FAM193A: variants seen among roughly 807,000 people sequenced by gnomAD.
FAM193A encodes the protein protein FAM193A.
In FAM193A, 22 loss-of-function variants were observed where a neutral mutation model predicts 126.5. The observed-to-expected ratio is 0.17, with a 90% CI of 0.12 to 0.25. FAM193A has a LOEUF of 0.25. Among genes scored for constraint, FAM193A ranks in the 10% least tolerant of loss-of-function variants. The probability of loss-of-function intolerance (pLI) is 1.00; values close to 1 mark genes in which losing one functional copy is unlikely to be tolerated. For missense variants in FAM193A, 1,675 were observed against 1,672.8 expected, an observed-to-expected ratio of 1.00 and a Z score of -0.02; for synonymous variants, 761 against 646.8, an observed-to-expected ratio of 1.18 and a Z score of -2.68.
chr4:2,679,638 A>G (rs961626291), intron 13 of FAM193A, among the ~76,000 whole-genome samples: 1 of 151,910 alleles, frequency 6.6e-6, no homozygotes, highest in Non-Finnish European at 1.5e-5. Context: ...TCGGTCTCCC[A>G]AAGTGTTGGG....
intron 20 of FAM193A, chr4:2,720,045 T>G (rs1446794853): frequency 1.1e-5 from 2 of 175,556 alleles, no homozygotes; most frequent in Non-Finnish European, 2.6e-5. Context: ...TCTGCCCACC[T>G]CAGCCTCCCA....
chr4:2,708,335 A>G (rs1718539727), intron 19 of FAM193A: 1 of 269,538 alleles, frequency 3.7e-6, no homozygotes, highest in Non-Finnish European at 7.6e-6. Flanking sequence ...ATGTTGGTCA[A>G]GTTGGTCTAC....
chr4:2,620,836 C>CAAAAAAAAAAAAAAAAAA lies in FAM193A; in HGVS notation c.502-4421_502-4404dup, dbSNP rs34305537. On this transcript the variant is annotated intron_variant, in intron 2 of 20. Coordinates refer to ENST00000637812, the MANE Select transcript of FAM193A (RefSeq NM_001366318.2). ...GGGCAAGAAGACTGCAACTCCGTCT[C>CAAAAAAAAAAAAAAAAAA]AAAAAAAAAAAAAAAAAAAAAAGTA... Among the ~76,000 whole-genome samples, 104 of 69,092 alleles carry CAAAAAAAAAAAAAAAAAA rather than the reference C, an allele frequency of 1.5e-3. 2 individuals are homozygous for CAAAAAAAAAAAAAAAAAA. Among genetic ancestry groups the CAAAAAAAAAAAAAAAAAA allele is most frequent in the African/African-American group, 3.7e-3 (61 of 16,500 alleles). 45.3% of individuals were successfully genotyped at this position (69,092 alleles called of 152,430 possible).
intron 13 of FAM193A, among the ~76,000 whole-genome samples, chr4:2,676,204 TC>T (rs1179174468): frequency 6.6e-6 from 1 of 152,252 alleles, no homozygotes; most frequent in African/African-American, 2.4e-5. Flanking sequence ...TGCCACCGTT[TC>T]CTACAGTGGC....
At chr4:2,573,989 CAGAG>C (rs1739440138) in intron 1 of FAM193A, among the ~76,000 whole-genome samples, 1 of 152,134 alleles carries the variant, frequency 6.6e-6, no homozygotes, top group African/African-American at 2.4e-5. Flanking sequence ...CAGAATGAGT[CAGAG>C]AGGCTCAGGG....
At chr4:2,575,910 G>C (rs556802328) in intron 1 of FAM193A, among the ~76,000 whole-genome samples, 1 of 152,128 alleles carries the variant, frequency 6.6e-6, no homozygotes, top group Non-Finnish European at 1.5e-5. Flanking sequence ...GCCATGGTCA[G>C]GTTACAAGGA....
intron 2 of FAM193A, among the ~76,000 whole-genome samples, chr4:2,600,225 C>T (rs1741118445): frequency 6.6e-6 from 1 of 152,188 alleles, no homozygotes; most frequent in African/African-American, 2.4e-5. Flanking sequence ...CTCATCCATC[C>T]CTATCAGTCC....
chr4:2,549,543 C>T (rs1251022788), intron 1 of FAM193A, among the ~76,000 whole-genome samples: 1 of 140,130 alleles, frequency 7.1e-6, no homozygotes, highest in Admixed American at 7.1e-5. Flanking sequence ...ACTACAGGCG[C>T]CCGCCACTAC....
intron 1 of FAM193A, among the ~76,000 whole-genome samples, chr4:2,592,442 A>G (rs973572760): frequency 3.9e-5 from 6 of 152,204 alleles, no homozygotes; most frequent in African/African-American, 1.4e-4. Flanking sequence ...CTTCCAAGCA[A>G]GAGGTAGTAA....
chr4:2,578,414 G>A (rs535885698), intron 1 of FAM193A, among the ~76,000 whole-genome samples: 2 of 151,366 alleles, frequency 1.3e-5, no homozygotes, highest in Admixed American at 6.6e-5. Context: ...TTGACATACC[G>A]TATCTCATTT....
At chr4:2,637,607 A>G (rs1446362582) in intron 5 of FAM193A, among the ~76,000 whole-genome samples, 24 of 152,226 alleles carry the variant, frequency 1.6e-4, no homozygotes, top group Admixed American at 1.6e-3. Flanking sequence ...GCCTGCCCTT[A>G]GGTCACTGAC....
chr4:2,552,853 T>C (rs973813783), intron 1 of FAM193A, among the ~76,000 whole-genome samples: 3 of 149,090 alleles, frequency 2.0e-5, no homozygotes, highest in African/African-American at 2.5e-5. Flanking sequence ...CTTTCTTTTT[T>C]TTTTTTTTTT....
At chr4:2,642,753 GA>G (rs1394526810) in intron 6 of FAM193A, among the ~76,000 whole-genome samples, 2 of 144,750 alleles carry the variant, frequency 1.4e-5, no homozygotes, top group Non-Finnish European at 3.0e-5. Flanking sequence ...TTTTTTTGGA[GA>G]CAGAGTCTTG....
At chr4:2,557,874 C>T (rs1220482677) in intron 1 of FAM193A, among the ~76,000 whole-genome samples, 2 of 152,078 alleles carry the variant, frequency 1.3e-5, no homozygotes, top group Non-Finnish European at 2.9e-5. Context: ...ATCGCTTGAA[C>T]CCAGGAGGCA....
intron 1 of FAM193A, among the ~76,000 whole-genome samples, chr4:2,593,095 C>T (rs983175590): frequency 7.2e-5 from 11 of 152,308 alleles, no homozygotes; most frequent in Admixed American, 2.0e-4. Context: ...TGACGAAGCT[C>T]AGATACTGAA....
chr4:2,596,061 AG>A (rs1425295922), intron 1 of FAM193A, 22 bp from the exon 2 acceptor site: 1 of 681,418 alleles, frequency 1.5e-6, no homozygotes, highest in East Asian at 2.7e-5. Flanking sequence ...TTTTGAAAAT[AG>A]AATTTTTTTT....
In FAM193A at chr4:2,662,842, A is replaced by G. The variant is rs1712626755; in HGVS notation, c.1750A>G (p.Ser584Gly). 6.2e-7 allele frequency: 1 copy of G among 1,608,262 alleles called. No homozygotes were observed. The highest frequency in any genetic ancestry group is 8.5e-7 in the Non-Finnish European group (1 of 1,175,056). ...GACCATCTCTGCTTGTGTCAGTTGT[A>G]GTGATGATGAAGATGTTGCACCATT... Reference protein sequence around the residue: ...TDSGSAPTFCSDDEDVAPLSA... With the variant: ...TDSGSAPTFCGDDEDVAPLSA... The change falls in exon 11 of 21, where the codon AGT becomes GGT. Residue 584 changes from serine to glycine, a missense_variant. Around this residue, in one of 4 missense-constraint regions of FAM193A, gnomAD observed 1,186 missense variants for 1,109.2 expected, o/e 1.07. Coordinates refer to ENST00000637812, the MANE Select transcript of FAM193A (RefSeq NM_001366318.2).
chr4:2,703,302 A>G (rs56091370), intron 19 of FAM193A, among the ~76,000 whole-genome samples: 4 of 152,104 alleles, frequency 2.6e-5, no homozygotes, highest in Admixed American at 2.6e-4. Context: ...GCTGGAGTGC[A>G]ATGGCGCAAT....
At chr4:2,540,696 C>G (rs1737180300) in intron 1 of FAM193A, among the ~76,000 whole-genome samples, 1 of 152,104 alleles carries the variant, frequency 6.6e-6, no homozygotes. Context: ...TGCGGTGGCT[C>G]ACACCTGTAA....
Sources: gnomAD v4.1 joint callset for allele counts (sites outside exome capture counted in the v4.1 genomes callset) on GRCh38, gnomAD v4.1.1 for gene constraint, gnomAD v4.1.1 regional missense constraint, MANE v1.5 for transcripts, NCBI Gene and HGNC (gene_info 2026-07-23, HGNC 2026-07-21) for gene names.